The following DSCAM variants were observed in gnomAD, a reference collection of about 807,000 sequenced individuals.
DSCAM encodes the protein DS cell adhesion molecule, also known as cell adhesion molecule DSCAM.
Under a neutral mutation model 217.7 loss-of-function variants are expected in DSCAM, and 47 were observed. The observed-to-expected ratio is 0.22, with a 90% CI of 0.17 to 0.28. The LOEUF (loss-of-function observed/expected upper bound fraction) is 0.28, where lower values mean the gene tolerates loss of function less well. Ranked by LOEUF, DSCAM falls within the 10% of genes least tolerant of loss-of-function variation. DSCAM has a pLI of 1.00. For missense variants in DSCAM, 2,080 were observed against 2,618.3 expected, an observed-to-expected ratio of 0.79 and a Z score of 4.49; for synonymous variants, 1,056 against 1,015.3, an observed-to-expected ratio of 1.04 and a Z score of -0.76.
intron 3 of DSCAM, among the ~76,000 whole-genome samples, chr21:40,487,256 C>CCT (rs59987844): frequency 0.011 from 1,573 of 143,756 alleles, 29 homozygotes; most frequent in African/African-American, 0.033. Flanking sequence ...TCTTTCTCTC[C>CCT]CTCTCTCTCT....
rs137963835 is a variant in DSCAM at position 40,642,721 on chromosome 21, C to A, written c.508+50089G>T. ...CCCTAGCCACCCAAAGTAGCTGGGA[C>A]CACAGGTGCTTGCCACCATGCCCAG... On this transcript the variant is annotated intron_variant, in intron 3 of 32. Transcript: ENST00000400454. 5.1e-4 allele frequency among the ~76,000 whole-genome samples: 78 copies of A among 152,252 alleles called. No individual in the cohort carries two copies. In the East Asian group the frequency reaches 0.013, roughly 26 times the overall value.
At chr21:40,132,744 G>T (rs2090166671) in intron 19 of DSCAM, among the ~76,000 whole-genome samples, 1 of 152,190 alleles carries the variant, frequency 6.6e-6, no homozygotes, top group Non-Finnish European at 1.5e-5. Context: ...GAATAACAGG[G>T]AGTCATTGTC....
intron 6 of DSCAM, 146 bp downstream of exon 6, chr21:40,347,524 C>T (rs2123623374): frequency 9.1e-7 from 1 of 1,094,348 alleles, no homozygotes; most frequent in Non-Finnish European, 1.3e-6. Context: ...CCTGATTTAG[C>T]TTGAAAAATT....
intron 21 of DSCAM, among the ~76,000 whole-genome samples, chr21:40,088,953 T>C (rs1460553022): frequency 1.3e-5 from 2 of 152,244 alleles, no homozygotes; most frequent in Admixed American, 6.5e-5. Flanking sequence ...ATGTGATGCA[T>C]TCTGATATTT....
intron 9 of DSCAM, among the ~76,000 whole-genome samples, chr21:40,310,049 C>T (rs2123485742): frequency 6.6e-6 from 1 of 152,248 alleles, no homozygotes; most frequent in South Asian, 2.1e-4. Context: ...TAGAATAAAC[C>T]TGTGGATTTT....
At chr21:40,810,401 TAGA>T (rs1035766265) in intron 1 of DSCAM, among the ~76,000 whole-genome samples, 10 of 152,190 alleles carry the variant, frequency 6.6e-5, no homozygotes, top group African/African-American at 2.2e-4. Context: ...ATGAATTTAT[TAGA>T]AGTTCTCCTT....
At chr21:40,404,812 C>T (rs149140404) in intron 3 of DSCAM, among the ~76,000 whole-genome samples, 2 of 152,302 alleles carry the variant, frequency 1.3e-5, no homozygotes, top group Non-Finnish European at 2.9e-5. Context: ...ACTCCTGGCA[C>T]TGTTTGCTTC....
intron 11 of DSCAM, among the ~76,000 whole-genome samples, chr21:40,266,635 T>TTATA (rs71186923): frequency 0.097 from 6,057 of 62,212 alleles, 370 homozygotes; most frequent in South Asian, 0.13. Context: ...CAAAGATGTT[T>TTATA]TATATATATA....
chr21:40,131,924 C>A (rs115724712), intron 19 of DSCAM, among the ~76,000 whole-genome samples: 18 of 152,252 alleles, frequency 1.2e-4, no homozygotes, highest in African/African-American at 3.9e-4. Context: ...GACAGAACTC[C>A]ATGATTCTTA....
intron 1 of DSCAM, among the ~76,000 whole-genome samples, chr21:40,723,481 T>C (rs1230398179): frequency 2.0e-5 from 3 of 152,322 alleles, no homozygotes; most frequent in Middle Eastern, 3.4e-3. Context: ...AATGTTTTCA[T>C]AGCTATTTTG....
intron 9 of DSCAM, among the ~76,000 whole-genome samples, chr21:40,309,482 G>A (rs1275054894): frequency 2.6e-5 from 4 of 151,870 alleles, no homozygotes; most frequent in Admixed American, 1.3e-4. Flanking sequence ...TTCCCTCTTC[G>A]TCTCTTCTGC....
At chr21:40,539,598 G>A (rs1009562773) in intron 3 of DSCAM, among the ~76,000 whole-genome samples, 1 of 152,144 alleles carries the variant, frequency 6.6e-6, no homozygotes, top group Non-Finnish European at 1.5e-5. Flanking sequence ...AAGCCTGTTT[G>A]CAAACAGAAT....
At chr21:40,360,789 C>A (rs774591816) in intron 4 of DSCAM, among the ~76,000 whole-genome samples, 1 of 152,068 alleles carries the variant, frequency 6.6e-6, no homozygotes, top group Non-Finnish European at 1.5e-5. Context: ...GTGCATATGT[C>A]TTTTTGGAAG....
At chr21:40,403,608 C>T (rs576401473) in intron 3 of DSCAM, among the ~76,000 whole-genome samples, 20 of 149,424 alleles carry the variant, frequency 1.3e-4, no homozygotes, top group African/African-American at 4.7e-4. Context: ...TGCTTACATA[C>T]ATGTATGCAA....
At chr21:40,370,216 T>C (rs1239563816) in intron 3 of DSCAM, among the ~76,000 whole-genome samples, 1 of 151,636 alleles carries the variant, frequency 6.6e-6, no homozygotes, top group African/African-American at 2.4e-5. Flanking sequence ...GTGGATTCTA[T>C]AATTTCCCTA....
intron 1 of DSCAM, among the ~76,000 whole-genome samples, chr21:40,838,517 C>T (rs2092074820): frequency 6.6e-6 from 1 of 152,160 alleles, no homozygotes; most frequent in African/African-American, 2.4e-5. Flanking sequence ...TGCTGTTTTG[C>T]AGAAGCATCC....
chr21:40,428,579 A>G (rs2075499414), intron 3 of DSCAM, among the ~76,000 whole-genome samples: 1 of 152,068 alleles, frequency 6.6e-6, no homozygotes, highest in Non-Finnish European at 1.5e-5. Context: ...TGCAAATACT[A>G]TTTTATTATC....
intron 13 of DSCAM, among the ~76,000 whole-genome samples, chr21:40,187,590 T>C (rs572396244): frequency 6.6e-6 from 1 of 152,292 alleles, no homozygotes; most frequent in East Asian, 1.9e-4. Flanking sequence ...GTACATGGAT[T>C]CCTAAAATTG....
intron 16 of DSCAM, among the ~76,000 whole-genome samples, chr21:40,157,937 T>C (rs1327839096): frequency 6.6e-6 from 1 of 151,840 alleles, no homozygotes; most frequent in Non-Finnish European, 1.5e-5. Flanking sequence ...CAAGCAATCC[T>C]CCCAATTCAG....
Sources: allele counts gnomAD v4.1 joint callset (sites outside exome capture counted in the v4.1 genomes callset), GRCh38; gene constraint gnomAD v4.1.1; transcripts MANE v1.5; gene names NCBI Gene and HGNC (gene_info 2026-07-23, HGNC 2026-07-21).